SLC3A1: variants seen among roughly 807,000 people sequenced by gnomAD.
The protein encoded by SLC3A1 is solute carrier family 3 member 1.
Under a neutral mutation model 60.3 loss-of-function variants are expected in SLC3A1, and 78 were observed. That is an observed-to-expected ratio of 1.29 (90% CI 1.08 to 1.56). The LOEUF (loss-of-function observed/expected upper bound fraction) is 1.56. Ranked by LOEUF, SLC3A1 falls within the 40% of genes most tolerant of loss-of-function variation. SLC3A1 has a pLI of 0.00. For synonymous variants in SLC3A1, 392 were observed against 307.9 expected (o/e 1.27, Z -2.86); for missense variants, 1,172 against 858.9 (o/e 1.36, Z -4.56).
intron 9 of SLC3A1, among the ~76,000 whole-genome samples, chr2:44,317,319 G>T (rs1035509637): frequency 6.6e-6 from 1 of 151,978 alleles, no homozygotes; most frequent in Non-Finnish European, 1.5e-5. Flanking sequence ...AAAATTAGCT[G>T]GGCATAGTGG....
Position 44,312,597 on chromosome 2 carries a change from A to G in SLC3A1, c.1344A>G (p.Pro448=). Residue 448 remains proline, a synonymous_variant, in exon 8 of 10, where the codon CCA becomes CCG. Coordinates refer to ENST00000260649, the MANE Select transcript of SLC3A1 (RefSeq NM_000341.4). ...TATCTGCCTTTCAGATTGGTGGACC[A>G]GACAGTTCACGGCTGACTTCGCGTT... is the stretch of plus-strand genomic sequence containing the variant. The part of the protein sequence containing the change: ...GKWPNWMIGG[P]DSSRLTSRLG... 2 of 1,613,942 alleles carry G rather than the reference A, an allele frequency of 1.2e-6. No homozygotes were observed. Among genetic ancestry groups the G allele is most frequent in the Non-Finnish European group, 1.7e-6 (2 of 1,179,808 alleles).
intron 9 of SLC3A1, chr2:44,318,066 C>G: frequency 2.3e-6 from 1 of 433,016 alleles, no homozygotes; most frequent in South Asian, 1.6e-5. Flanking sequence ...TGCACATGTG[C>G]ACAATAATAC....
At chr2:44,291,222 A>C (rs1671734048) in intron 4 of SLC3A1, among the ~76,000 whole-genome samples, 1 of 152,200 alleles carries the variant, frequency 6.6e-6, no homozygotes, top group Non-Finnish European at 1.5e-5. Flanking sequence ...TCAGTTATAA[A>C]TTGATAAATG....
rs776462651 is a variant in SLC3A1 at position 44,280,837 on chromosome 2, T to C, written c.552T>C (p.Asp184=). 16 of 1,614,112 alleles carry C rather than the reference T, an allele frequency of 9.9e-6. No homozygotes were observed. In the South Asian group the frequency reaches 1.8e-4, roughly 18 times the overall value. ...GTGTTGAAGATTTCCGGGAAGTTGA[T>C]CCCATTTTTGGAACGATGGAAGATT... ...RYGVEDFREV[D]PIFGTMEDFE... is the part of the protein sequence containing the mutation. The change falls in exon 2 of 10, where the codon GAT becomes GAC. Residue 184 remains aspartate (D), a synonymous_variant. Transcript: ENST00000260649.
chr2:44,285,746 C>T, intron 3 of SLC3A1: 1 of 589,200 alleles, frequency 1.7e-6, no homozygotes, highest in Non-Finnish European at 3.3e-6. Context: ...TTAGTAATGT[C>T]AGTTCCTTAA....
chr2:44,289,191 C>T (rs1235024632), intron 4 of SLC3A1, among the ~76,000 whole-genome samples: 1 of 149,876 alleles, frequency 6.7e-6, no homozygotes, highest in Non-Finnish European at 1.5e-5. Context: ...AAAGTTCTTA[C>T]ATATTCTTTT....
At chr2:44,307,679 C>G (rs1672191925) in intron 7 of SLC3A1, among the ~76,000 whole-genome samples, 1 of 151,564 alleles carries the variant, frequency 6.6e-6, no homozygotes, top group Admixed American at 6.6e-5. Flanking sequence ...GATTCTTTGC[C>G]TATAATTAAA....
downstream of SLC3A1, among the ~76,000 whole-genome samples, chr2:44,322,138 C>A (rs1673029700): frequency 6.6e-6 from 1 of 152,124 alleles, no homozygotes; most frequent in African/African-American, 2.4e-5. Context: ...GCCACACGGA[C>A]AAGGTTGAAA....
intron 1 of SLC3A1, among the ~76,000 whole-genome samples, chr2:44,277,103 CTTT>C (rs1222833364): frequency 7.4e-5 from 7 of 94,824 alleles, no homozygotes; most frequent in Non-Finnish European, 1.3e-4. Flanking sequence ...TCTCTCTCTT[CTTT>C]TTTTTTTTTT....
In SLC3A1 at chr2:44,281,499, C is replaced by G. The variant is rs1291878212; in HGVS notation, c.723C>G (p.Asp241Glu). Reference sequence around the variant, plus strand: ...ATACTGATTATTATATCTGGCATGACTGTACCCATGAAAATGGCAAAACCA... The same window carrying G: ...ATACTGATTATTATATCTGGCATGAGTGTACCCATGAAAATGGCAAAACCA... ...GKYTDYYIWH[D>E]CTHENGKTIP... The change falls in exon 3 of 10, where the codon GAC becomes GAG. Residue 241 changes from aspartate (D) to glutamate (E), a missense_variant. Physicochemically the swap from Asp to Glu is conservative, Grantham distance 45. Coordinates refer to ENST00000260649, the MANE Select transcript of SLC3A1 (RefSeq NM_000341.4). The G allele has an allele frequency of 1.9e-6, 3 of 1,614,016 alleles. No individual in the cohort carries two copies. Among genetic ancestry groups the G allele is most frequent in the Non-Finnish European group, 2.5e-6 (3 of 1,179,884 alleles).
rs200080361 is a variant in SLC3A1, at chr2:44,312,782, C to CTAT, written c.1500+29_1500+30insTAT. On this transcript the variant is annotated intron_variant, in intron 8 of 9. Coordinates refer to ENST00000260649, the MANE Select transcript of SLC3A1 (RefSeq NM_000341.4). ...AGTTGAATACAACTTGACTATTCAT[C>CTAT]ACAGCTATAAAACCAAGTATTCATT... 4.8e-3 allele frequency: 7,577 copies of CTAT among 1,588,122 alleles called. 330 individuals are homozygous for CTAT. In the African/African-American group the frequency reaches 0.089, roughly 19 times the overall value.
At chr2:44,307,238 C>T (rs560403106) in intron 7 of SLC3A1, among the ~76,000 whole-genome samples, 1 of 152,266 alleles carries the variant, frequency 6.6e-6, no homozygotes, top group South Asian at 2.1e-4. Context: ...TTTATCTGAT[C>T]ATGAATTGAC....
At chr2:44,318,779 T>G (rs1300596001) in intron 9 of SLC3A1, 1 of 152,198 alleles carries the variant, frequency 6.6e-6, no homozygotes, top group East Asian at 1.9e-4. Context: ...TTGGAAGTAT[T>G]TAATAGCAGA....
chr2:44,298,865 C>T (rs1176976206), intron 4 of SLC3A1, among the ~76,000 whole-genome samples: 1 of 151,978 alleles, frequency 6.6e-6, no homozygotes, highest in African/African-American at 2.4e-5. Flanking sequence ...GGAGAGTGAG[C>T]CAGGGGCAGT....
chr2:44,280,476 T>C (rs577039339), intron 1 of SLC3A1, among the ~76,000 whole-genome samples: 2 of 151,810 alleles, frequency 1.3e-5, no homozygotes, highest in Non-Finnish European at 2.9e-5. Flanking sequence ...TGACCTTAGG[T>C]ATCCTCCCAC....
intron 6 of SLC3A1, chr2:44,303,741 C>G (rs886567308): frequency 2.6e-5 from 9 of 339,868 alleles, no homozygotes; most frequent in African/African-American, 1.3e-4. Flanking sequence ...GCCCCCCACC[C>G]ACTGACAGGC....
At chr2:44,315,827 T>A (rs923907921) in intron 9 of SLC3A1, among the ~76,000 whole-genome samples, 1 of 152,058 alleles carries the variant, frequency 6.6e-6, no homozygotes, top group Non-Finnish European at 1.5e-5. Context: ...ATCACATGCA[T>A]GGCAGAATTA....
intron 7 of SLC3A1, among the ~76,000 whole-genome samples, chr2:44,310,016 AC>A (rs1572813300): frequency 6.6e-6 from 1 of 152,132 alleles, no homozygotes; most frequent in East Asian, 1.9e-4. Flanking sequence ...ATTAGCTCCC[AC>A]AAAGTAGCTG....
chr2:44,285,839 C>A, intron 3 of SLC3A1, 193 bp from the exon 4 acceptor site: 1 of 721,394 alleles, frequency 1.4e-6, no homozygotes, highest in Admixed American at 2.1e-5. Flanking sequence ...TACGTTGCAA[C>A]CATGTTTGTG....
Sources: gnomAD v4.1 joint callset for allele counts (sites outside exome capture counted in the v4.1 genomes callset) on GRCh38, gnomAD v4.1.1 for gene constraint, MANE v1.5 for transcripts, NCBI Gene and HGNC (gene_info 2026-07-23, HGNC 2026-07-21) for gene names.